Variants in HNRNPDL observed in about 807,000 individuals in gnomAD.
HNRNPDL encodes the protein heterogeneous nuclear ribonucleoprotein D like.
In HNRNPDL, 18 loss-of-function variants were observed where a neutral mutation model predicts 48.0. The ratio of observed to expected loss-of-function variants is 0.38; its 90% CI spans 0.26 to 0.56. The LOEUF (loss-of-function observed/expected upper bound fraction) is 0.56. HNRNPDL is among the 20% of genes least tolerant of loss of function. HNRNPDL has a pLI of 0.77. For missense variants in HNRNPDL, 553 were observed against 540.7 expected (o/e 1.02, Z -0.23); for synonymous variants, 306 against 207.3 (o/e 1.48, Z -4.09).
rs749962540 is a variant in HNRNPDL, at chr4:82,429,514, G to A, written c.177C>T (p.Arg59=). The A allele has an allele frequency of 1.5e-5, 22 of 1,513,384 alleles. No homozygotes were observed. The highest frequency in any genetic ancestry group is 1.7e-5 in the Non-Finnish European group (19 of 1,132,102). The allele number at this position is 1,513,384 out of a possible 1,614,324, so 93.7% of individuals were successfully genotyped here. The change falls in exon 1 of 8, where the codon CGC becomes CGT. Residue 59 remains arginine, a synonymous_variant. Coordinates refer to ENST00000295470, the MANE Select transcript of HNRNPDL (RefSeq NM_031372.4). ...GGGAGGGCTGCTGGGCGGTGACGTG[G>A]CGCTGGGCCCGGCGCGCCCCCTGCC... ...SARQGARRAQ[R]HVTAQQPSRL...
Position 82,429,371 on chromosome 4 carries a change from G to A in HNRNPDL, c.320C>T (p.Thr107Ile), listed in dbSNP as rs529653747. ...RSAAAAAATR[T>I]ARQHPPADSS... ...GTCGGCAGGGGGGTGCTGGCGCGCA[G>A]TCCGGGTCGCGGCAGCAGCGGCGGC... is the stretch of plus-strand genomic sequence containing the variant. Residue 107 changes from threonine to isoleucine, a missense_variant, in exon 1 of 8, where the codon ACT becomes ATT. By Grantham distance (89) the Thr-to-Ile change is moderately conservative. This residue lies in a region of HNRNPDL where 327 missense variants were observed against 203.2 expected (regional missense o/e 1.61). Transcript: ENST00000295470. The A allele has an allele frequency of 8.7e-6, 14 of 1,613,672 alleles. No homozygotes were observed. The highest frequency in any genetic ancestry group is 1.7e-5 in the Admixed American group (1 of 60,026).
Position 82,429,190 on chromosome 4 carries a change from A to T in HNRNPDL, c.443+58T>A, listed in dbSNP as rs557196159. ...GGGGGCAGCGCGCGGCTCACGAGGA[A>T]CGAAGGGCGCGTGCGGCGCGCTGGG... On this transcript the variant is annotated intron_variant, in intron 1 of 7. Coordinates refer to ENST00000295470, the MANE Select transcript of HNRNPDL (RefSeq NM_031372.4). 3 of 1,507,488 alleles carry T rather than the reference A, an allele frequency of 2.0e-6. No homozygotes were observed. In the South Asian group the frequency reaches 3.4e-5, roughly 17 times the overall value. The allele number at this position is 1,507,488 out of a possible 1,614,324, so 93.4% of individuals were successfully genotyped here. A position where few individuals can be genotyped will look rare whatever the true frequency, so the allele number is the denominator to read the frequency against.
At position 82,423,201 on chromosome 4, in the gene HNRNPDL, T is replaced by C. The variant is rs1721260371; in HGVS notation, c.*1705A>G. On this transcript the variant is annotated 3_prime_UTR_variant, in exon 8 of 8. Coordinates refer to ENST00000295470, the MANE Select transcript of HNRNPDL (RefSeq NM_031372.4). ...ATACATATCAAGACTTGATTAAAAG[T>C]TTGGATTTTGTTTAAAAAGGCTTTA... 1 of 152,156 alleles carries C rather than the reference T, an allele frequency of 6.6e-6. No homozygotes were observed. The highest frequency in any genetic ancestry group is 1.5e-5 in the Non-Finnish European group (1 of 68,028). The allele number at this position is 152,156 out of a possible 1,614,324, so 9.4% of individuals were successfully genotyped here.
Position 82,428,156 on chromosome 4 carries a change from T to C in HNRNPDL, c.636A>G (p.Lys212=). Reference sequence around the variant, plus strand: ...TGGGATCTATCAATTTGCCATCCAGTTTGTGTTCTTTCAGTTCCAAAACCT... The same window carrying C: ...TGGGATCTATCAATTTGCCATCCAGCTTGTGTTCTTTCAGTTCCAAAACCT... The part of the protein sequence containing the change: ...VDKVLELKEH[K]LDGKLIDPKR... Residue 212 remains lysine (K), a synonymous_variant, in exon 3 of 8, where the codon AAA becomes AAG. Coordinates refer to ENST00000295470, the MANE Select transcript of HNRNPDL (RefSeq NM_031372.4). 3 of 1,614,144 alleles carry C rather than the reference T, an allele frequency of 1.9e-6. No homozygotes were observed. The highest frequency in any genetic ancestry group is 2.5e-6 in the Non-Finnish European group (3 of 1,180,004).
At position 82,429,349 on chromosome 4, in the gene HNRNPDL, GGCAGGGGGGTGCTGGCGC is replaced by G. The variant is rs760683509; in HGVS notation, c.324_341del (p.Arg109_Ala114del). ...TATCCTCCATAGTGACGGAGCTGTC[GGCAGGGGGGTGCTGGCGC>G]GCAGTCCGGGTCGCGGCAGCAGCGG... On this transcript the variant is annotated inframe_deletion, in exon 1 of 8. Transcript: ENST00000295470. The G allele has an allele frequency of 4.2e-5, 68 of 1,613,856 alleles. No homozygotes were observed. In the African/African-American group the frequency reaches 7.9e-4, roughly 19 times the overall value.
rs2110025322 is a variant in HNRNPDL, at chr4:82,423,812, G to A, written c.*1094C>T. On this transcript the variant is annotated 3_prime_UTR_variant, in exon 8 of 8. Transcript: ENST00000295470. ...GTAATGACTTAGTCACATTTGTAAT[G>A]ACTTTGTCATAACCAAGATACCTTT... The A allele has an allele frequency of 7.5e-6, 1 of 133,858 alleles. No homozygotes were observed. The highest frequency in any genetic ancestry group is 7.9e-5 in the Admixed American group (1 of 12,704). The allele number at this position is 133,858 out of a possible 1,614,324, so 8.3% of individuals were successfully genotyped here. A position where few individuals can be genotyped will look rare whatever the true frequency, so the allele number is the denominator to read the frequency against.
rs1338880984 is a variant in HNRNPDL, at chr4:82,424,572, CTTATT to C, written c.*329_*333del. ...AAAATCAACTGTGCCTTAATTATTG[CTTATT>C]TTAAATTACATTTTTTACAGAGCTA... On this transcript the variant is annotated 3_prime_UTR_variant, in exon 8 of 8. Transcript: ENST00000295470. The C allele has an allele frequency of 6.6e-6, 1 of 150,622 alleles. No individual in the cohort carries two copies. Among genetic ancestry groups the C allele is most frequent in the Non-Finnish European group, 1.5e-5 (1 of 67,788 alleles). 9.3% of individuals were successfully genotyped at this position (150,622 alleles called of 1,614,324 possible). A position where few individuals can be genotyped will look rare whatever the true frequency, so the allele number is the denominator to read the frequency against.
In HNRNPDL at chr4:82,429,183, A is replaced by C; in HGVS notation, c.443+65T>G. On this transcript the variant is annotated intron_variant, in intron 1 of 7. Transcript: ENST00000295470. Reference sequence around the variant, plus strand: ...AAAGAATGGGGGCAGCGCGCGGCTCACGAGGAACGAAGGGCGCGTGCGGCG... The same window carrying C: ...AAAGAATGGGGGCAGCGCGCGGCTCCCGAGGAACGAAGGGCGCGTGCGGCG... 6 of 1,455,938 alleles carry C rather than the reference A, an allele frequency of 4.1e-6. No individual in the cohort carries two copies. In the South Asian group the frequency reaches 5.7e-5, roughly 14 times the overall value. 90.2% of individuals were successfully genotyped at this position (1,455,938 alleles called of 1,614,324 possible).
chr4:82,429,408 T>A lies in HNRNPDL; in HGVS notation c.283A>T (p.Ile95Leu). The A allele has an allele frequency of 1.2e-6, 2 of 1,613,068 alleles. No homozygotes were observed. The highest frequency in any genetic ancestry group is 1.7e-6 in the Non-Finnish European group (2 of 1,179,682). Residue 95 changes from isoleucine to leucine, a missense_variant, in exon 1 of 8, where the codon ATA becomes TTA. By Grantham distance (5) the Ile-to-Leu change is conservative (BLOSUM62 2). Transcript: ENST00000295470. The stretch of plus-strand genomic sequence containing the variant: ...GCAGCAGCGGCGGCGGAGCGTTGTA[T>A]GGAGCTGGATTTAAAATGGCGGCGG... Reference protein sequence around the residue: ...LFRRHFKSSSIQRSAAAAAAT... With the variant: ...LFRRHFKSSSLQRSAAAAAAT...
intron 7 of HNRNPDL, 94 bp from the exon 8 acceptor site, chr4:82,424,977 T>C (rs1194649351): frequency 6.6e-6 from 1 of 152,242 alleles, no homozygotes; most frequent in Non-Finnish European, 1.5e-5. Context: ...CCTCACTTTA[T>C]TTTCTTCAAT....
At chr4:82,427,967 G>A (rs766658220) in intron 3 of HNRNPDL, 51 bp downstream of exon 3, 1 of 1,557,272 alleles carries the variant, frequency 6.4e-7, no homozygotes, top group East Asian at 2.2e-5. Flanking sequence ...GACAAGGATT[G>A]AACATTTTAT....
Position 82,423,313 on chromosome 4 carries a change from G to A in HNRNPDL, c.*1593C>T, listed in dbSNP as rs1266854049. ...TGAACTTACAGGATTCACTACCCTA[G>A]ACACCGCACCTACTGACAACACAAC... On this transcript the variant is annotated 3_prime_UTR_variant, in exon 8 of 8. Coordinates refer to ENST00000295470, the MANE Select transcript of HNRNPDL (RefSeq NM_031372.4). 6.6e-6 allele frequency: 1 copy of A among 152,114 alleles called. No homozygotes were observed. The highest frequency in any genetic ancestry group is 2.4e-5 in the African/African-American group (1 of 41,410). The allele number at this position is 152,114 out of a possible 1,614,324, so 9.4% of individuals were successfully genotyped here. A position where few individuals can be genotyped will look rare whatever the true frequency, so the allele number is the denominator to read the frequency against.
At position 82,429,232 on chromosome 4, in the gene HNRNPDL, A is replaced by G. The variant is rs756666429; in HGVS notation, c.443+16T>C. 6.2e-7 allele frequency: 1 copy of G among 1,611,226 alleles called. No homozygotes were observed. Among genetic ancestry groups the G allele is most frequent in the Non-Finnish European group, 8.5e-7 (1 of 1,178,594 alleles). The stretch of plus-strand genomic sequence containing the variant: ...CGCGCTGGGGGAGGGGGAGCGGGGG[A>G]AGAAGCGTGCGGTACCCGTCATCCT... On this transcript the variant is annotated intron_variant, in intron 1 of 7. Transcript: ENST00000295470.
rs934570497 is a variant in HNRNPDL, at chr4:82,423,468, A to G, written c.*1438T>C. 1.3e-5 allele frequency: 2 copies of G among 152,226 alleles called. No individual in the cohort carries two copies. The highest frequency in any genetic ancestry group is 4.8e-5 in the African/African-American group (2 of 41,464). The allele number at this position is 152,226 out of a possible 1,614,324, so 9.4% of individuals were successfully genotyped here. A position where few individuals can be genotyped will look rare whatever the true frequency, so the allele number is the denominator to read the frequency against. ...CAGCAGCAAAAAAGAGGCCAAGAGC[A>G]TTATAATGTGATAGCCCAGGAAGTA... On this transcript the variant is annotated 3_prime_UTR_variant, in exon 8 of 8. Transcript: ENST00000295470.
In HNRNPDL at chr4:82,429,580, C is replaced by T; in HGVS notation, c.111G>A (p.Gln37=). 7.2e-7 allele frequency: 1 copy of T among 1,386,792 alleles called. No individual in the cohort carries two copies. The highest frequency in any genetic ancestry group is 1.6e-5 in the African/African-American group (1 of 64,482). The allele number at this position is 1,386,792 out of a possible 1,614,324, so 85.9% of individuals were successfully genotyped here. A position where few individuals can be genotyped will look rare whatever the true frequency, so the allele number is the denominator to read the frequency against. The change falls in exon 1 of 8, where the codon CAG becomes CAA. Residue 37 remains glutamine, a synonymous_variant. Coordinates refer to ENST00000295470, the MANE Select transcript of HNRNPDL (RefSeq NM_031372.4). Reference sequence around the variant, plus strand: ...CGAGCGAAGGGAGGAGCGGGGCTAGCTGCCGCGGCGGCCGCGGCCGCCAAT... The same window carrying T: ...CGAGCGAAGGGAGGAGCGGGGCTAGTTGCCGCGGCGGCCGCGGCCGCCAAT... ...LSHWRPRPPR[Q]LAPLLPSLAP... is the part of the protein sequence containing the mutation.
chr4:82,425,032 T>C (rs1228658103), intron 7 of HNRNPDL, 149 bp from the exon 8 acceptor site: 2 of 152,212 alleles, frequency 1.3e-5, no homozygotes, highest in Non-Finnish European at 2.9e-5. Context: ...ACAGTTTGGG[T>C]AGTCAATAAA....
Position 82,428,233 on chromosome 4 carries a change from T to A in HNRNPDL, c.612+45A>T, listed in dbSNP as rs747085036. 1.2e-5 allele frequency: 19 copies of A among 1,607,372 alleles called. No homozygotes were observed. The African/African-American group carries it at 2.1e-4, about 18-fold the overall frequency. On this transcript the variant is annotated intron_variant, in intron 2 of 7. Transcript: ENST00000295470. The stretch of plus-strand genomic sequence containing the variant: ...GCACCATATAACCCCCAGAAAAATT[T>A]GCAAAACACCACAAAAGCAGCACAA...
chr4:82,425,886 A>G, intron 7 of HNRNPDL, 151 bp downstream of exon 7: 1 of 591,062 alleles, frequency 1.7e-6, no homozygotes, highest in African/African-American at 1.9e-5. Flanking sequence ...ATCTATAGAC[A>G]CTTTAGGCAA....
In HNRNPDL at chr4:82,429,661, C is replaced by T. The variant is rs1425176825; in HGVS notation, c.30G>A (p.Val10=). MEVPPRLSH[V]PPPLFPSAPA... ...GAGCGGAGGGGAACAATGGCGGCGG[C>T]ACATGGGAAAGCCTGGGCGGGACCT... The change falls in exon 1 of 8, where the codon GTG becomes GTA. Residue 10 remains valine, a synonymous_variant. Transcript: ENST00000295470. The T allele has an allele frequency of 7.3e-7, 1 of 1,364,864 alleles. No homozygotes were observed. Among genetic ancestry groups the T allele is most frequent in the Admixed American group, 4.0e-5 (1 of 25,272 alleles). 84.5% of individuals were successfully genotyped at this position (1,364,864 alleles called of 1,614,324 possible).
Sources: gnomAD v4.1 joint callset for allele counts on GRCh38, gnomAD v4.1.1 for gene constraint, gnomAD v4.1.1 regional missense constraint, MANE v1.5 for transcripts, NCBI Gene and HGNC (gene_info 2026-07-23, HGNC 2026-07-21) for gene names.